The following CD247 variants were observed in gnomAD, a reference collection of about 807,000 sequenced individuals.
CD247 encodes the protein CD247 molecule.
In CD247, 13 loss-of-function variants were observed where a neutral mutation model predicts 30.0. The ratio of observed to expected loss-of-function variants is 0.43; its 90% CI spans 0.28 to 0.69. CD247 has a LOEUF of 0.69. Among genes scored for constraint, CD247 ranks in the 30% least tolerant of loss-of-function variants. The probability of loss-of-function intolerance (pLI) is 0.16; values close to 1 mark genes in which losing one functional copy is unlikely to be tolerated. For synonymous variants in CD247, 72 were observed against 80.0 expected (o/e 0.90, Z 0.53); for missense variants, 193 against 212.6 (o/e 0.91, Z 0.57).
At chr1:167,443,524 G>A (rs893164477) in intron 1 of CD247, among the ~76,000 whole-genome samples, 5 of 152,200 alleles carry the variant, frequency 3.3e-5, no homozygotes, top group African/African-American at 1.2e-4. Context: ...TTATGGGACT[G>A]GTTGAGACTC....
intron 4 of CD247, among the ~76,000 whole-genome samples, chr1:167,437,273 C>T (rs6684652): frequency 0.32 from 48,421 of 151,774 alleles, 8,556 homozygotes; most frequent in South Asian, 0.44. Flanking sequence ...AGCGTGGTGG[C>T]GCATGCCTGT....
At chr1:167,514,386 G>A (rs775324020) in intron 1 of CD247, among the ~76,000 whole-genome samples, 18 of 152,104 alleles carry the variant, frequency 1.2e-4, no homozygotes, top group Non-Finnish European at 2.1e-4. Context: ...TGATCCACCC[G>A]TCTCGGCCTC....
intron 1 of CD247, among the ~76,000 whole-genome samples, chr1:167,460,273 G>A (rs142323357): frequency 0.013 from 1,939 of 151,998 alleles, 35 homozygotes; most frequent in African/African-American, 0.042. Flanking sequence ...GTGGTGGTGC[G>A]CACCTGTAGT....
rs145291953 is a variant in CD247 at position 167,510,933 on chromosome 1, C to A, written c.58+7475G>T. On this transcript the variant is annotated intron_variant, in intron 1 of 7. Coordinates refer to ENST00000362089, the MANE Select transcript of CD247 (RefSeq NM_198053.3). ...TCCTCTCAGCCAGCTTTGGGGGTGGCCCACTAAGAGTCTCAGATATTCACA... is the reference window on the plus strand; with the variant it reads ...TCCTCTCAGCCAGCTTTGGGGGTGGACCACTAAGAGTCTCAGATATTCACA... Among the ~76,000 whole-genome samples, 454 of 152,272 alleles carry A rather than the reference C, an allele frequency of 3.0e-3. 6 individuals carry two copies. Among genetic ancestry groups the A allele is most frequent in the African/African-American group, 0.01 (424 of 41,540 alleles).
chr1:167,437,761 TTAGA>T (rs1426303149), intron 4 of CD247, among the ~76,000 whole-genome samples: 5 of 152,134 alleles, frequency 3.3e-5, no homozygotes, highest in African/African-American at 1.2e-4. Context: ...AAAGCCTCAA[TTAGA>T]TAGGAAGAGT....
chr1:167,435,579 G>T, intron 4 of CD247, 145 bp from the exon 5 acceptor site: 1 of 736,704 alleles, frequency 1.4e-6, no homozygotes. Flanking sequence ...CCCCAGCCTT[G>T]CCTAGGCCAC....
At chr1:167,509,853 C>T (rs1020836817) in intron 1 of CD247, among the ~76,000 whole-genome samples, 4 of 152,010 alleles carry the variant, frequency 2.6e-5, no homozygotes, top group African/African-American at 7.3e-5. Flanking sequence ...CATTCTAAGT[C>T]GGGAGAATTG....
At chr1:167,456,687 T>C (rs1037297757) in intron 1 of CD247, among the ~76,000 whole-genome samples, 26 of 152,144 alleles carry the variant, frequency 1.7e-4, no homozygotes, top group Non-Finnish European at 3.2e-4. Flanking sequence ...GTCTGGAAGA[T>C]TCTACGAATA....
chr1:167,499,968 G>A (rs982510947), intron 1 of CD247, among the ~76,000 whole-genome samples: 1 of 152,282 alleles, frequency 6.6e-6, no homozygotes, highest in Admixed American at 6.5e-5. Context: ...CTCACCTGAC[G>A]ACAATCACAC....
Position 167,451,281 on chromosome 1 carries a change from C to T in CD247, c.59-10514G>A, listed in dbSNP as rs114144294. On this transcript the variant is annotated intron_variant, in intron 1 of 7. Coordinates refer to ENST00000362089, the MANE Select transcript of CD247 (RefSeq NM_198053.3). The stretch of plus-strand genomic sequence containing the variant: ...AGGGTTTTCTCTTTTGACAAGGACA[C>T]ATTATGTTTTTATTTAAAATATGGT... 3.1e-3 allele frequency among the ~76,000 whole-genome samples: 470 copies of T among 152,264 alleles called. 1 individual carries two copies. Among genetic ancestry groups the T allele is most frequent in the African/African-American group, 0.011 (439 of 41,552 alleles).
intron 1 of CD247, among the ~76,000 whole-genome samples, chr1:167,449,672 C>T (rs1324038795): frequency 1.3e-5 from 2 of 152,150 alleles, no homozygotes; most frequent in Non-Finnish European, 2.9e-5. Context: ...CCTGTAATCC[C>T]AGTACGTTGG....
intron 2 of CD247, 84 bp from the exon 3 acceptor site, chr1:167,439,484 G>A: frequency 1.6e-6 from 2 of 1,215,352 alleles, no homozygotes; most frequent in South Asian, 1.2e-5. Flanking sequence ...GCGACCCGAG[G>A]GACAGCCCTA....
rs1014172515 is a variant in CD247, at chr1:167,494,271, C to T, written c.58+24137G>A. Among the ~76,000 whole-genome samples the T allele has an allele frequency of 1.3e-5, 2 of 152,184 alleles. No individual in the cohort carries two copies. Among genetic ancestry groups the T allele is most frequent in the Non-Finnish European group, 2.9e-5 (2 of 68,034 alleles). On this transcript the variant is annotated intron_variant, in intron 1 of 7. Transcript: ENST00000362089. The surrounding 1 kb of genome is among the most constrained non-coding windows in gnomAD (Gnocchi z 7.3). The stretch of plus-strand genomic sequence containing the variant: ...TCAATTCGGATCCCCAGGGCCAGTT[C>T]AGCAAAACCTCTGTCAACAAATAGA...
At chr1:167,459,610 C>G (rs1214467161) in intron 1 of CD247, 2 of 152,196 alleles carry the variant, frequency 1.3e-5, no homozygotes, top group Non-Finnish European at 2.9e-5. Context: ...GCCTTAGCCT[C>G]TCAAAGTGCT....
At chr1:167,482,582 G>A (rs1169968305) in intron 1 of CD247, among the ~76,000 whole-genome samples, 1 of 152,188 alleles carries the variant, frequency 6.6e-6, no homozygotes, top group Non-Finnish European at 1.5e-5. Flanking sequence ...TGACTTCTAA[G>A]AGTGGAGAAT....
At chr1:167,510,975 G>A (rs1655363783) in intron 1 of CD247, among the ~76,000 whole-genome samples, 2 of 152,150 alleles carry the variant, frequency 1.3e-5, no homozygotes, top group African/African-American at 4.8e-5. Flanking sequence ...GCTGTTTAAT[G>A]CTTCATGCAT....
chr1:167,491,733 G>A (rs1191359041), intron 1 of CD247, among the ~76,000 whole-genome samples: 1 of 152,158 alleles, frequency 6.6e-6, no homozygotes, highest in Non-Finnish European at 1.5e-5. Context: ...CTCATTGACA[G>A]ATGGATGGAT....
rs1003331590 is a variant in CD247 at position 167,494,664 on chromosome 1, T to C, written c.58+23744A>G. Among the ~76,000 whole-genome samples, 4 of 152,222 alleles carry C rather than the reference T, an allele frequency of 2.6e-5. No homozygotes were observed. The highest frequency in any genetic ancestry group is 2.0e-4 in the Admixed American group (3 of 15,288). Reference sequence around the variant, plus strand: ...TGTGGCTTTACACAGCCCATGTCTCTGGATTGTTAAAAGGATCAAAAAAGA... The same window carrying C: ...TGTGGCTTTACACAGCCCATGTCTCCGGATTGTTAAAAGGATCAAAAAAGA... On this transcript the variant is annotated intron_variant, in intron 1 of 7. Transcript: ENST00000362089. This position sits in a 1 kb window ranked among gnomAD's most constrained non-coding sequence, Gnocchi z 7.3.
chr1:167,488,714 G>A (rs1478666151), intron 1 of CD247, among the ~76,000 whole-genome samples: 2 of 152,202 alleles, frequency 1.3e-5, no homozygotes, highest in Non-Finnish European at 2.9e-5. Flanking sequence ...TTTTTGTCAA[G>A]CAGGGAATCT....
Sources: gnomAD v4.1 joint callset for allele counts (sites outside exome capture counted in the v4.1 genomes callset) on GRCh38, gnomAD v4.1.1 for gene constraint, Gnocchi (gnomAD v3.1) non-coding constraint, MANE v1.5 for transcripts, NCBI Gene and HGNC (gene_info 2026-07-23, HGNC 2026-07-21) for gene names.